The following RAP1GAP2 variants were observed in gnomAD, a reference collection of about 807,000 sequenced individuals.
RAP1GAP2 encodes rap1 GTPase-activating protein 2.
RAP1GAP2 carries 27 observed loss-of-function variants against 95.0 expected under a neutral mutation model. That is an observed-to-expected ratio of 0.28 (90% CI 0.21 to 0.39). The LOEUF is 0.39. Ranked by LOEUF, RAP1GAP2 falls within the 10% of genes least tolerant of loss-of-function variation. The pLI is 1.00. For synonymous variants in RAP1GAP2, 373 were observed against 380.9 expected (o/e 0.98, Z 0.24); for missense variants, 771 against 970.0 (o/e 0.79, Z 2.72).
At chr17:2,912,402 T>C (rs1264266517) in intron 3 of RAP1GAP2, among the ~76,000 whole-genome samples, 1 of 152,160 alleles carries the variant, frequency 6.6e-6, no homozygotes, top group African/African-American at 2.4e-5. Flanking sequence ...TGTTAGGCTG[T>C]GCAGGGAGAC....
intron 4 of RAP1GAP2, among the ~76,000 whole-genome samples, chr17:2,960,867 ACAC>A (rs1259861489): frequency 6.6e-6 from 1 of 152,140 alleles, no homozygotes; most frequent in Non-Finnish European, 1.5e-5. Context: ...AGTCTTGGAA[ACAC>A]CACGTGTTCC....
chr17:3,037,337 T>C lies in RAP1GAP2; in HGVS notation c.*3976T>C, dbSNP rs1304870225. 1 of 140,686 alleles carries C rather than the reference T, an allele frequency of 7.1e-6. No homozygotes were observed. The highest frequency in any genetic ancestry group is 1.5e-5 in the Non-Finnish European group (1 of 65,552). 8.7% of individuals were successfully genotyped at this position (140,686 alleles called of 1,614,324 possible). ...TTAATTGCCATCGTCTTTGATTTTGTGACATTTCTGCTTGGAAGTGTGAAC... is the reference window on the plus strand; with the variant it reads ...TTAATTGCCATCGTCTTTGATTTTGCGACATTTCTGCTTGGAAGTGTGAAC... On this transcript the variant is annotated 3_prime_UTR_variant, in exon 25 of 25. Transcript: ENST00000254695.
chr17:2,944,445 A>G (rs2043633094), intron 3 of RAP1GAP2, among the ~76,000 whole-genome samples: 1 of 152,208 alleles, frequency 6.6e-6, no homozygotes, highest in African/African-American at 2.4e-5. Flanking sequence ...ACAGTTGGCC[A>G]TAGATGTGTG....
At chr17:2,959,084 G>A (rs979834687) in intron 4 of RAP1GAP2, among the ~76,000 whole-genome samples, 4 of 152,062 alleles carry the variant, frequency 2.6e-5, no homozygotes, top group Admixed American at 2.0e-4. Context: ...TGGGATTTTC[G>A]CCTCTAGTCA....
intron 2 of RAP1GAP2, among the ~76,000 whole-genome samples, chr17:2,861,183 G>A (rs968057017): frequency 2.0e-5 from 3 of 151,790 alleles, no homozygotes; most frequent in African/African-American, 4.8e-5. Flanking sequence ...CTCCCCTGAC[G>A]ATCCAATCTA....
chr17:3,025,787 A>C (rs2047090035), intron 19 of RAP1GAP2, among the ~76,000 whole-genome samples: 5 of 152,082 alleles, frequency 3.3e-5, no homozygotes, highest in Admixed American at 3.3e-4. Flanking sequence ...CTTCACCATG[A>C]ACCTAGAATA....
intron 3 of RAP1GAP2, among the ~76,000 whole-genome samples, chr17:2,930,473 G>A (rs866978768): frequency 6.6e-5 from 10 of 152,172 alleles, no homozygotes; most frequent in Non-Finnish European, 1.2e-4. Context: ...TTCCTCACTC[G>A]GAATGGAGGC....
chr17:2,828,918 C>T (rs1236760619), intron 2 of RAP1GAP2, among the ~76,000 whole-genome samples: 1 of 151,482 alleles, frequency 6.6e-6, no homozygotes, highest in East Asian at 1.9e-4. Context: ...CTCCCTTGGT[C>T]TCTTCTCCTC....
At chr17:2,924,020 G>A (rs941615481) in intron 3 of RAP1GAP2, among the ~76,000 whole-genome samples, 9 of 152,228 alleles carry the variant, frequency 5.9e-5, no homozygotes, top group Admixed American at 5.9e-4. Flanking sequence ...TTTCCTCTCT[G>A]TAAGAGATAT....
intron 2 of RAP1GAP2, among the ~76,000 whole-genome samples, chr17:2,865,136 A>G (rs1419970473): frequency 1.3e-5 from 2 of 152,010 alleles, no homozygotes; most frequent in East Asian, 3.9e-4. Context: ...TTTTTCTCCC[A>G]CCACCAATTA....
intron 7 of RAP1GAP2, 92 bp downstream of exon 7, chr17:2,964,160 A>G: frequency 1.1e-6 from 1 of 909,398 alleles, no homozygotes; most frequent in East Asian, 5.1e-5. Context: ...GGATGGGGAG[A>G]GGTTGAGGGA....
Position 2,853,524 on chromosome 17 carries a change from A to AGGGCCG in RAP1GAP2, c.81-51750_81-51745dup, listed in dbSNP as rs568593837. Among the ~76,000 whole-genome samples, 585 of 145,834 alleles carry AGGGCCG rather than the reference A, an allele frequency of 4.0e-3. 5 individuals are homozygous for AGGGCCG. Among genetic ancestry groups the AGGGCCG allele is most frequent in the African/African-American group, 0.014 (541 of 39,370 alleles). On this transcript the variant is annotated intron_variant, in intron 2 of 24. Coordinates refer to ENST00000254695, the MANE Select transcript of RAP1GAP2 (RefSeq NM_015085.5). ...CCAGAAGGAGCGGGCGAGGGGAGGC[A>AGGGCCG]GGGCCGGGGCCGGGGAGGGCGCCTG...
chr17:2,945,290 C>T (rs139267805), intron 3 of RAP1GAP2, among the ~76,000 whole-genome samples: 5 of 151,800 alleles, frequency 3.3e-5, no homozygotes, highest in African/African-American at 7.2e-5. Context: ...TGTGTCTCTC[C>T]GATTGTTCAT....
At chr17:2,773,461 G>C (rs552400161), upstream of RAP1GAP2, among the ~76,000 whole-genome samples, 1 of 152,290 alleles carries the variant, frequency 6.6e-6, no homozygotes, top group South Asian at 2.1e-4. Context: ...ACATGGGCAG[G>C]GGGATGGGAC....
chr17:2,970,432 A>G (rs1207714837), intron 8 of RAP1GAP2, among the ~76,000 whole-genome samples: 1 of 152,188 alleles, frequency 6.6e-6, no homozygotes, highest in Non-Finnish European at 1.5e-5. Flanking sequence ...AGGTTAAAAC[A>G]TAAATGCATT....
chr17:2,772,665 A>G (rs553130593), upstream of RAP1GAP2, among the ~76,000 whole-genome samples: 4 of 152,068 alleles, frequency 2.6e-5, no homozygotes, highest in East Asian at 3.9e-4. Flanking sequence ...TTTAATCTTC[A>G]TAGCAATGCT....
chr17:2,950,739 T>C (rs1342103667), intron 3 of RAP1GAP2, among the ~76,000 whole-genome samples: 2 of 151,090 alleles, frequency 1.3e-5, no homozygotes, highest in African/African-American at 4.9e-5. Flanking sequence ...GCCTCCCAAA[T>C]AGCTGGGATT....
chr17:2,843,004 G>A (rs1161062985), intron 2 of RAP1GAP2, among the ~76,000 whole-genome samples: 1 of 152,146 alleles, frequency 6.6e-6, no homozygotes, highest in East Asian at 1.9e-4. Context: ...TGAGTGTGGG[G>A]TAGGGCGATG....
At chr17:2,980,462 CT>C in intron 9 of RAP1GAP2, 97 bp downstream of exon 9, 1 of 1,271,002 alleles carries the variant, frequency 7.9e-7, no homozygotes, top group Non-Finnish European at 1.1e-6. Flanking sequence ...AGGCTCAGCC[CT>C]TAGAGAAGGG....
Sources: allele counts gnomAD v4.1 joint callset (sites outside exome capture counted in the v4.1 genomes callset), GRCh38; gene constraint gnomAD v4.1.1; transcripts MANE v1.5; gene names NCBI Gene and HGNC (gene_info 2026-07-23, HGNC 2026-07-21).